Variants in SCHIP1 observed in about 807,000 individuals in gnomAD.
SCHIP1 encodes schwannomin-interacting protein 1.
A neutral mutation model predicts 29.7 loss-of-function variants in SCHIP1; 8 were observed. That is an observed-to-expected ratio of 0.27 (90% confidence interval 0.16 to 0.49). The LOEUF (loss-of-function observed/expected upper bound fraction) is 0.49, where lower values mean the gene tolerates loss of function less well. Among genes scored for constraint, SCHIP1 ranks in the 20% least tolerant of loss-of-function variants. SCHIP1 has a pLI of 0.99. For missense variants in SCHIP1, 193 were observed against 294.6 expected, an observed-to-expected ratio of 0.66 and a Z score of 2.52; for synonymous variants, 76 against 94.9, an observed-to-expected ratio of 0.80 and a Z score of 1.16.
the SCHIP1 span, among the ~76,000 whole-genome samples, chr3:159,780,147 C>A: frequency 1.3e-5 from 2 of 152,314 alleles, no homozygotes; most frequent in East Asian, 3.9e-4. Context: ...TCCCCTGGCT[C>A]TGCTGCAGGT....
the SCHIP1 span, among the ~76,000 whole-genome samples, chr3:159,663,341 C>T: frequency 1.4e-4 from 21 of 152,126 alleles, no homozygotes; most frequent in East Asian, 3.7e-3. Context: ...AGGAGGGTTC[C>T]GGGTGAAGTT....
the SCHIP1 span, among the ~76,000 whole-genome samples, chr3:159,490,733 A>G: frequency 2.0e-5 from 3 of 152,222 alleles, no homozygotes; most frequent in Admixed American, 6.5e-5. Flanking sequence ...TTACACTGCA[A>G]ACTCCACAGA....
At chr3:159,355,244 A>G in the SCHIP1 span, among the ~76,000 whole-genome samples, 1 of 152,044 alleles carries the variant, frequency 6.6e-6, no homozygotes, top group Non-Finnish European at 1.5e-5. Context: ...CACCAAATAT[A>G]CCAAAAAAGA....
At chr3:159,798,072 G>A in the SCHIP1 span, among the ~76,000 whole-genome samples, 1 of 152,304 alleles carries the variant, frequency 6.6e-6, no homozygotes, top group East Asian at 1.9e-4. Context: ...TGGTGGCATG[G>A]AACTTCAGCA....
chr3:159,856,511 A>G (rs992171691), intron 1 of SCHIP1, among the ~76,000 whole-genome samples: 4 of 152,140 alleles, frequency 2.6e-5, no homozygotes, highest in African/African-American at 9.6e-5. Flanking sequence ...AGAAAAGGAA[A>G]TCGGGAAAAT....
At chr3:159,580,050 A>G in the SCHIP1 span, among the ~76,000 whole-genome samples, 1 of 152,338 alleles carries the variant, frequency 6.6e-6, no homozygotes, top group South Asian at 2.1e-4. Context: ...GCTTATTTTC[A>G]GGATACTGTA....
At chr3:159,273,881 AGT>A in the SCHIP1 span, 1 of 1,613,420 alleles carries the variant, frequency 6.2e-7, no homozygotes, top group South Asian at 1.1e-5. Flanking sequence ...GCACTCTGAC[AGT>A]GTAAGTTTTA....
chr3:159,544,949 A>G, the SCHIP1 span, among the ~76,000 whole-genome samples: 1 of 152,138 alleles, frequency 6.6e-6, no homozygotes, highest in Non-Finnish European at 1.5e-5. Context: ...TCTATGTTAC[A>G]TTCTAGAAGC....
At chr3:159,712,140 C>G in the SCHIP1 span, among the ~76,000 whole-genome samples, 1 of 152,154 alleles carries the variant, frequency 6.6e-6, no homozygotes, top group African/African-American at 2.4e-5. Context: ...CTACCACCAG[C>G]AGCAGCCAGG....
the SCHIP1 span, chr3:159,721,386 T>TA: frequency 7.2e-5 from 11 of 152,248 alleles, no homozygotes; most frequent in African/African-American, 2.7e-4. Context: ...ATCCAGCAGG[T>TA]AAGCAGCAGG....
the SCHIP1 span, among the ~76,000 whole-genome samples, chr3:159,516,993 C>A: frequency 3.9e-5 from 6 of 152,286 alleles, no homozygotes; most frequent in Admixed American, 2.6e-4. Context: ...TTTTACTGAG[C>A]TTTACGAATA....
At position 159,875,695 on chromosome 3, in the gene SCHIP1, T is replaced by C. The variant is rs905427373; in HGVS notation, c.149+9414T>C. Among the ~76,000 whole-genome samples the C allele has an allele frequency of 8.5e-5, 13 of 152,330 alleles. No individual in the cohort carries two copies. In the East Asian group the frequency reaches 1.3e-3, roughly 16 times the overall value. ...AGAAAACATTCTAACTGACTGCAGG[T>C]GAGCCATGTTATCTAAGGTTTAACA... On this transcript the variant is annotated intron_variant, in intron 2 of 6. Transcript: ENST00000445224.
the SCHIP1 span, among the ~76,000 whole-genome samples, chr3:159,785,732 T>C: frequency 1.3e-5 from 2 of 152,198 alleles, no homozygotes; most frequent in Non-Finnish European, 2.9e-5. Flanking sequence ...AATATATTTT[T>C]CTAATCAATC....
chr3:159,626,091 TAGATAG>T, the SCHIP1 span, among the ~76,000 whole-genome samples: 1,622 of 27,300 alleles, frequency 0.059, 178 homozygotes, highest in African/African-American at 0.13. Context: ...GCAGCTTATA[TAGATAG>T]ATAGATAGAT....
the SCHIP1 span, among the ~76,000 whole-genome samples, chr3:159,347,466 C>T: frequency 2.0e-5 from 3 of 152,150 alleles, no homozygotes; most frequent in Non-Finnish European, 4.4e-5. Flanking sequence ...ACCTGTCTAC[C>T]ACACTAGTTG....
the SCHIP1 span, among the ~76,000 whole-genome samples, chr3:159,541,340 C>T: frequency 1.3e-5 from 2 of 152,016 alleles, no homozygotes; most frequent in African/African-American, 2.4e-5. Context: ...GGGGCATAAA[C>T]ATTCTAAAAT....
chr3:159,612,009 T>A, the SCHIP1 span, among the ~76,000 whole-genome samples: 1 of 152,296 alleles, frequency 6.6e-6, no homozygotes, highest in South Asian at 2.1e-4. Context: ...TTATTCCAGG[T>A]AAGAATGATT....
At chr3:159,867,665 G>GAGCA (rs1210070337) in intron 2 of SCHIP1, among the ~76,000 whole-genome samples, 1 of 152,044 alleles carries the variant, frequency 6.6e-6, no homozygotes, top group Non-Finnish European at 1.5e-5. Context: ...TTTCCCTTAG[G>GAGCA]AGCACCTCTT....
chr3:159,376,868 G>T, the SCHIP1 span, among the ~76,000 whole-genome samples: 1 of 152,104 alleles, frequency 6.6e-6, no homozygotes, highest in African/African-American at 2.4e-5. Flanking sequence ...AGAAAAGCAC[G>T]CTTTATAAGA....
Sources: gnomAD v4.1 joint callset for allele counts (sites outside exome capture counted in the v4.1 genomes callset) on GRCh38, gnomAD v4.1.1 for gene constraint, MANE v1.5 for transcripts, NCBI Gene and HGNC (gene_info 2026-07-23, HGNC 2026-07-21) for gene names.